Variants in ANKFN1 observed in about 807,000 individuals in gnomAD.
The protein encoded by ANKFN1 is ankyrin repeat and fibronectin type III domain containing 1.
In ANKFN1, 74 loss-of-function variants were observed where a neutral mutation model predicts 108.7. The ratio of observed to expected loss-of-function variants is 0.68; its 90% CI spans 0.56 to 0.83. The LOEUF (loss-of-function observed/expected upper bound fraction) is 0.83, where lower values mean the gene tolerates loss of function less well. Among genes scored for constraint, ANKFN1 ranks in the 40% least tolerant of loss-of-function variants. ANKFN1 has a pLI of 0.00. For synonymous variants in ANKFN1, 547 were observed against 516.2 expected, an observed-to-expected ratio of 1.06 and a Z score of -0.81; for missense variants, 1,505 against 1,382.3, an observed-to-expected ratio of 1.09 and a Z score of -1.41.
At chr17:56,463,967 C>G (rs1247486476) in intron 14 of ANKFN1, 1 of 152,156 alleles carries the variant, frequency 6.6e-6, no homozygotes, top group African/African-American at 2.4e-5. Context: ...TAGATGCATT[C>G]CTGTTAGCCA....
rs765645893 is a variant in ANKFN1 at position 56,350,859 on chromosome 17, A to G, written c.282A>G (p.Lys94=). Residue 94 remains lysine, a synonymous_variant, in exon 5 of 21, where the codon AAA becomes AAG. Coordinates refer to ENST00000682825, the MANE Select transcript of ANKFN1 (RefSeq NM_001370326.1). ...HSAPSSPNAA[K]RLYRNLSEKL... ...CTCCCTCATCTCCCAACGCAGCCAA[A>G]CGCCTGTACAGGAACCTCTCTGAGA... 9 of 1,613,792 alleles carry G rather than the reference A, an allele frequency of 5.6e-6. No individual in the cohort carries two copies.
chr17:56,303,090 T>A (rs974451803), intron 3 of ANKFN1, among the ~76,000 whole-genome samples: 7 of 152,226 alleles, frequency 4.6e-5, no homozygotes, highest in Admixed American at 6.5e-5. Flanking sequence ...CACCAAGGGA[T>A]GTTGTTGATT....
chr17:56,064,887 CG>C (rs1400402206), intron 4 of ANKFN1, among the ~76,000 whole-genome samples: 2 of 152,152 alleles, frequency 1.3e-5, no homozygotes, highest in Non-Finnish European at 2.9e-5. Flanking sequence ...ATCTGTGGGT[CG>C]CACAATTCTG....
intron 4 of ANKFN1, among the ~76,000 whole-genome samples, chr17:56,132,815 A>C (rs757002596): frequency 6.6e-6 from 1 of 152,062 alleles, no homozygotes; most frequent in Non-Finnish European, 1.5e-5. Context: ...TCTTTTTCAT[A>C]AGGGCACTAA....
At chr17:56,395,115 C>A (rs1479779756) in intron 8 of ANKFN1, among the ~76,000 whole-genome samples, 1 of 152,088 alleles carries the variant, frequency 6.6e-6, no homozygotes, top group South Asian at 2.1e-4. Context: ...AATGTAGGCT[C>A]CTTATATCAG....
chr17:56,376,469 G>T (rs879703408), intron 8 of ANKFN1, among the ~76,000 whole-genome samples: 2 of 152,280 alleles, frequency 1.3e-5, no homozygotes, highest in Admixed American at 6.5e-5. Context: ...TGCCAAGACT[G>T]AAATTCAGAG....
At chr17:56,457,178 T>G in intron 12 of ANKFN1, 79 bp from the exon 13 acceptor site, 1 of 1,396,416 alleles carries the variant, frequency 7.2e-7, no homozygotes, top group Non-Finnish European at 9.7e-7. Context: ...ATATTTTAAA[T>G]TCATCTTTTA....
At chr17:56,297,611 G>C (rs1384045988) in intron 3 of ANKFN1, among the ~76,000 whole-genome samples, 3 of 152,194 alleles carry the variant, frequency 2.0e-5, no homozygotes, top group Non-Finnish European at 2.9e-5. Context: ...GGGAGATGCA[G>C]CTTTCCTCAG....
At chr17:56,428,330 T>C (rs766226109) in intron 8 of ANKFN1, among the ~76,000 whole-genome samples, 2 of 151,748 alleles carry the variant, frequency 1.3e-5, no homozygotes, top group Non-Finnish European at 2.9e-5. Context: ...CAAAGATTAC[T>C]GTTAGCTCCA....
At chr17:56,104,357 C>T (rs1864648) in intron 4 of ANKFN1, among the ~76,000 whole-genome samples, 82,009 of 152,052 alleles carry the variant, frequency 0.54, 22,410 homozygotes, top group East Asian at 0.81. Context: ...ATTTGTGAAA[C>T]ACTTGTCAAA....
intron 4 of ANKFN1, among the ~76,000 whole-genome samples, chr17:56,345,015 G>C (rs1033481083): frequency 3.9e-5 from 6 of 152,016 alleles, no homozygotes; most frequent in East Asian, 1.9e-4. Flanking sequence ...GCATGTATTA[G>C]GTATTTGTCC....
At chr17:56,185,170 A>T (rs1598197809) in intron 1 of ANKFN1, among the ~76,000 whole-genome samples, 1 of 152,264 alleles carries the variant, frequency 6.6e-6, no homozygotes, top group East Asian at 1.9e-4. Flanking sequence ...CCAGGGTGTT[A>T]TATGGTACAT....
intron 2 of ANKFN1, among the ~76,000 whole-genome samples, chr17:56,217,903 A>G (rs1915541441): frequency 6.6e-6 from 1 of 152,224 alleles, no homozygotes; most frequent in Non-Finnish European, 1.5e-5. Context: ...TATTATCTCT[A>G]ATAGATTTAC....
chr17:56,407,127 T>C (rs1315766555), intron 8 of ANKFN1, among the ~76,000 whole-genome samples: 1 of 152,188 alleles, frequency 6.6e-6, no homozygotes, highest in African/African-American at 2.4e-5. Flanking sequence ...TTTTCAAACT[T>C]GGAGGTAAGC....
At position 56,512,124 on chromosome 17, in the gene ANKFN1, G is replaced by C. The variant is rs1313201832; in HGVS notation, c.*855G>C. ...CAGGGGAGGGAGAGAGACATGGGCA[G>C]AAATATATTTCCTTTACAATTCTAA... is the stretch of plus-strand genomic sequence containing the variant. On this transcript the variant is annotated 3_prime_UTR_variant, in exon 21 of 21. Coordinates refer to ENST00000682825, the MANE Select transcript of ANKFN1 (RefSeq NM_001370326.1). Among the ~76,000 whole-genome samples the C allele has an allele frequency of 6.6e-6, 1 of 152,212 alleles. No individual in the cohort carries two copies. The highest frequency in any genetic ancestry group is 2.4e-5 in the African/African-American group (1 of 41,458).
intron 10 of ANKFN1, among the ~76,000 whole-genome samples, chr17:56,445,305 C>CATCT (rs2049247553): frequency 6.6e-6 from 1 of 152,184 alleles, no homozygotes; most frequent in African/African-American, 2.4e-5. Context: ...GATGCATTTG[C>CATCT]TGATAAAGAT....
intron 3 of ANKFN1, among the ~76,000 whole-genome samples, chr17:56,253,151 TG>T (rs898800261): frequency 1.3e-5 from 2 of 152,096 alleles, no homozygotes; most frequent in African/African-American, 2.4e-5. Context: ...GTAAACTAAA[TG>T]CACTGAAAAA....
At chr17:56,418,206 T>C (rs1420121468) in intron 8 of ANKFN1, among the ~76,000 whole-genome samples, 2 of 152,192 alleles carry the variant, frequency 1.3e-5, no homozygotes, top group Admixed American at 1.3e-4. Flanking sequence ...TATTTGACAC[T>C]GTGGTGATAA....
chr17:56,350,778 G>A lies in ANKFN1; in HGVS notation c.201G>A (p.Val67=). The part of the protein sequence containing the change: ...ASNSINWNCR[V]KMTQQMQNLH... ...TTCCTCTTCTTAGGAATTGTCGTGTGAAAATGACGCAACAAATGCAAAATT... is the reference window on the plus strand; with the variant it reads ...TTCCTCTTCTTAGGAATTGTCGTGTAAAAATGACGCAACAAATGCAAAATT... Residue 67 remains valine, a synonymous_variant, in exon 5 of 21, where the codon GTG becomes GTA. Coordinates refer to ENST00000682825, the MANE Select transcript of ANKFN1 (RefSeq NM_001370326.1). The A allele has an allele frequency of 1.9e-6, 3 of 1,613,540 alleles. No homozygotes were observed. Among genetic ancestry groups the A allele is most frequent in the Non-Finnish European group, 2.5e-6 (3 of 1,179,684 alleles).
Sources: gnomAD v4.1 joint callset for allele counts (sites outside exome capture counted in the v4.1 genomes callset) on GRCh38, gnomAD v4.1.1 for gene constraint, MANE v1.5 for transcripts, NCBI Gene and HGNC (gene_info 2026-07-23, HGNC 2026-07-21) for gene names.